PON1: variants seen among roughly 807,000 people sequenced by gnomAD.
PON1 encodes the protein serum paraoxonase/arylesterase 1.
PON1 carries 37 observed loss-of-function variants against 39.2 expected under a neutral mutation model. The observed-to-expected ratio is 0.94, with a 90% CI of 0.73 to 1.24. The LOEUF (loss-of-function observed/expected upper bound fraction) is 1.24, where lower values mean the gene tolerates loss of function less well. Ranked by LOEUF, PON1 falls within the 50% of genes most tolerant of loss-of-function variation. The pLI, the probability that PON1 is intolerant of heterozygous loss-of-function variation, is 0.00. For synonymous variants in PON1, 148 were observed against 152.2 expected (o/e 0.97, Z 0.21); for missense variants, 397 against 413.5 (o/e 0.96, Z 0.35).
intron 4 of PON1, among the ~76,000 whole-genome samples, chr7:95,313,522 A>G (rs1356718966): frequency 2.6e-5 from 4 of 152,152 alleles, no homozygotes; most frequent in South Asian, 2.1e-4. Flanking sequence ...ATCAAACACT[A>G]TATTTCTTTG....
chr7:95,306,268 G>A lies in PON1; in HGVS notation c.780+17C>T, dbSNP rs1807538680. 1.3e-6 allele frequency: 2 copies of A among 1,535,948 alleles called. No individual in the cohort carries two copies. Among genetic ancestry groups the A allele is most frequent in the Non-Finnish European group, 1.8e-6 (2 of 1,109,240 alleles). ...CTAATTATCACTCTGCAGACTTACA[G>A]TGTTAATACGTCTTACCTTCAATGG... On this transcript the variant is annotated intron_variant, in intron 7 of 8. Transcript: ENST00000222381.
chr7:95,315,907 G>C (rs991376149), intron 3 of PON1, among the ~76,000 whole-genome samples: 1 of 152,142 alleles, frequency 6.6e-6, no homozygotes, highest in Non-Finnish European at 1.5e-5. Flanking sequence ...ACAGAGTTTT[G>C]GTGGGCCAGA....
Position 95,308,139 on chromosome 7 carries a change from G to A in PON1, c.570C>T (p.Tyr190=). Residue 190 remains tyrosine (Y), a synonymous_variant, in exon 6 of 9, where the codon TAC becomes TAT. Coordinates refer to ENST00000222381, the MANE Select transcript of PON1 (RefSeq NM_000446.7). ...CCAAATACATCTCCCAGGATTGTAA[G>A]TAGGGGTCAAGAAAATAGTGATCAT... ...GTNDHYFLDP[Y]LQSWEMYLGL... is the part of the protein sequence containing the mutation. 1 of 1,614,128 alleles carries A rather than the reference G, an allele frequency of 6.2e-7. No homozygotes were observed. Among genetic ancestry groups the A allele is most frequent in the Non-Finnish European group, 8.5e-7 (1 of 1,179,996 alleles).
intron 8 of PON1, 91 bp from the exon 9 acceptor site, chr7:95,299,193 A>G: frequency 7.7e-7 from 1 of 1,293,274 alleles, no homozygotes. Context: ...AAGAAGCCAT[A>G]TAATCTTATA....
At chr7:95,310,525 C>T (rs890076185) in intron 5 of PON1, among the ~76,000 whole-genome samples, 3 of 152,130 alleles carry the variant, frequency 2.0e-5, no homozygotes, top group Non-Finnish European at 4.4e-5. Flanking sequence ...GCTGGGGTTC[C>T]TACTTGGCCA....
intron 1 of PON1, among the ~76,000 whole-genome samples, chr7:95,321,742 C>A (rs1807903340): frequency 6.6e-6 from 1 of 152,154 alleles, no homozygotes; most frequent in Non-Finnish European, 1.5e-5. Flanking sequence ...CTTTTCCCTT[C>A]ACCTAGAATG....
chr7:95,323,263 C>A (rs947100601), intron 1 of PON1, among the ~76,000 whole-genome samples: 1 of 152,090 alleles, frequency 6.6e-6, no homozygotes, highest in Non-Finnish European at 1.5e-5. Context: ...GCTCAGCAAC[C>A]CATCCTTTAT....
intron 8 of PON1, among the ~76,000 whole-genome samples, chr7:95,301,888 C>T (rs1176272904): frequency 6.7e-6 from 1 of 149,164 alleles, no homozygotes; most frequent in Non-Finnish European, 1.5e-5. Flanking sequence ...CAGATCAAGA[C>T]CATCCTGGCC....
At chr7:95,319,465 C>G (rs1807849165) in intron 1 of PON1, among the ~76,000 whole-genome samples, 1 of 152,116 alleles carries the variant, frequency 6.6e-6, no homozygotes, top group South Asian at 2.1e-4. Context: ...GCAAGGAGTG[C>G]CTCTTAATAA....
At chr7:95,322,690 G>A (rs1041137331) in intron 1 of PON1, among the ~76,000 whole-genome samples, 1 of 152,172 alleles carries the variant, frequency 6.6e-6, no homozygotes, top group South Asian at 2.1e-4. Context: ...CCAAGTTGGG[G>A]TAGGGGAGGG....
intron 8 of PON1, 87 bp downstream of exon 8, chr7:95,302,118 A>C (rs970730385): frequency 3.8e-6 from 3 of 792,996 alleles, no homozygotes; most frequent in East Asian, 1.1e-4. Context: ...AAAAAAAAAA[A>C]AAACCAAGAA....
Position 95,302,350 on chromosome 7 carries a change from CAAGAA to C in PON1, c.781-22_781-18del. On this transcript the variant is annotated intron_variant, in intron 7 of 8. Transcript: ENST00000222381. Reference sequence around the variant, plus strand: ...GTCAAGGGACTTAAAAGATTAAAAACAAGAAAAGAACAAGACATAAAGTAAAACAC... The same window carrying C: ...GTCAAGGGACTTAAAAGATTAAAAACAAGAACAAGACATAAAGTAAAACAC... 1 of 1,597,852 alleles carries C rather than the reference CAAGAA, an allele frequency of 6.3e-7. No individual in the cohort carries two copies. Among genetic ancestry groups the C allele is most frequent in the Non-Finnish European group, 8.6e-7 (1 of 1,167,166 alleles).
At chr7:95,318,716 T>C (rs3917493) in intron 1 of PON1, 21,176 of 280,878 alleles carry the variant, frequency 0.075, 1,051 homozygotes, top group Admixed American at 0.13. Context: ...TCCGGGTAAA[T>C]GGCAACATGG....
chr7:95,298,643 T>G lies in PON1; in HGVS notation c.*301A>C. The stretch of plus-strand genomic sequence containing the variant: ...AACACATGTTTTAGGGTAAGTACTT[T>G]TGGGGTCACACACTGTTATTTAATA... On this transcript the variant is annotated 3_prime_UTR_variant, in exon 9 of 9. Transcript: ENST00000222381. 2.3e-6 allele frequency: 1 copy of G among 438,336 alleles called. No individual in the cohort carries two copies. The highest frequency in any genetic ancestry group is 4.2e-6 in the Non-Finnish European group (1 of 235,420). The allele number at this position is 438,336 out of a possible 1,614,324, so 27.2% of individuals were successfully genotyped here.
intron 5 of PON1, among the ~76,000 whole-genome samples, chr7:95,309,496 ATTGC>A (rs1300664423): frequency 6.6e-6 from 1 of 152,122 alleles, no homozygotes; most frequent in African/African-American, 2.4e-5. Flanking sequence ...ATAGCTTTTT[ATTGC>A]TGAAAATTTA....
chr7:95,314,237 G>C (rs1012749390), intron 4 of PON1, among the ~76,000 whole-genome samples: 1 of 152,108 alleles, frequency 6.6e-6, no homozygotes, highest in Non-Finnish European at 1.5e-5. Flanking sequence ...GCATGCACCT[G>C]TGGTCCCCGC....
chr7:95,304,626 C>T (rs1807502572), intron 7 of PON1, among the ~76,000 whole-genome samples: 1 of 152,114 alleles, frequency 6.6e-6, no homozygotes, highest in Non-Finnish European at 1.5e-5. Flanking sequence ...GCCACCGCAC[C>T]CGGCCAAGAA....
intron 6 of PON1, among the ~76,000 whole-genome samples, chr7:95,306,948 T>C (rs1807554715): frequency 6.6e-6 from 1 of 152,104 alleles, no homozygotes; most frequent in Admixed American, 6.5e-5. Flanking sequence ...TACTGCTCAA[T>C]TATCTTCTAT....
intron 2 of PON1, among the ~76,000 whole-genome samples, chr7:95,317,428 A>T (rs2116322114): frequency 6.6e-6 from 1 of 152,228 alleles, no homozygotes; most frequent in Non-Finnish European, 1.5e-5. Context: ...TTTGCTTTTC[A>T]AAAACCCAGT....
Sources: gnomAD v4.1 joint callset for allele counts (sites outside exome capture counted in the v4.1 genomes callset) on GRCh38, gnomAD v4.1.1 for gene constraint, MANE v1.5 for transcripts, NCBI Gene and HGNC (gene_info 2026-07-23, HGNC 2026-07-21) for gene names.